Variants in PLXNA2 observed in about 807,000 individuals in gnomAD.
PLXNA2 encodes the protein plexin A2, also known as plexin-A2.
A neutral mutation model predicts 193.5 loss-of-function variants in PLXNA2; 91 were observed. That is an observed-to-expected ratio of 0.47 (90% CI 0.40 to 0.56). The LOEUF is 0.56. Among genes scored for constraint, PLXNA2 ranks in the 20% least tolerant of loss-of-function variants. PLXNA2 has a pLI of 0.00. For missense variants in PLXNA2, 1,995 were observed against 2,503.2 expected (o/e 0.80, Z 4.33); for synonymous variants, 997 against 1,027.3 (o/e 0.97, Z 0.56).
Position 208,079,291 on chromosome 1 carries a change from T to C in PLXNA2, c.2555A>G (p.Asn852Ser), listed in dbSNP as rs1286264936. The C allele has an allele frequency of 2.5e-6, 4 of 1,611,372 alleles. No individual in the cohort carries two copies. The highest frequency in any genetic ancestry group is 2.7e-5 in the African/African-American group (2 of 74,984). ...GATTTGAGGGTTGGAGCACTTGACA[T>C]TGTGGCTGGACCAGTCGAGCCAGGG... ...SSPWLDWSSHNVKCSNPQITE... is the reference protein window; with the variant it reads ...SSPWLDWSSHSVKCSNPQITE... The change falls in exon 12 of 32, where the codon AAT becomes AGT. Residue 852 changes from asparagine (N) to serine (S), a missense_variant. Asn to Ser is a conservative substitution (Grantham distance 46). Coordinates refer to ENST00000367033, the MANE Select transcript of PLXNA2 (RefSeq NM_025179.4).
At chr1:208,155,988 C>T (rs1383454663) in intron 3 of PLXNA2, among the ~76,000 whole-genome samples, 1 of 152,126 alleles carries the variant, frequency 6.6e-6, no homozygotes, top group Non-Finnish European at 1.5e-5. Context: ...TGAAGGAGTA[C>T]CTGAGGCTTA....
intron 26 of PLXNA2, among the ~76,000 whole-genome samples, chr1:208,035,748 C>T (rs950559982): frequency 1.3e-5 from 2 of 152,124 alleles, no homozygotes; most frequent in Non-Finnish European, 2.9e-5. Context: ...TATAGCTGCA[C>T]CAGTCATAAA....
chr1:208,134,234 A>T (rs1297420195), intron 4 of PLXNA2, among the ~76,000 whole-genome samples: 4 of 152,022 alleles, frequency 2.6e-5, no homozygotes, highest in Admixed American at 6.6e-5. Context: ...ATATTTATTT[A>T]AAAAAAATAC....
intron 12 of PLXNA2, among the ~76,000 whole-genome samples, chr1:208,066,563 C>T (rs530015494): frequency 6.6e-6 from 1 of 152,308 alleles, no homozygotes; most frequent in East Asian, 1.9e-4. Flanking sequence ...CAATTATGTA[C>T]AGCACATAAT....
At chr1:208,103,926 A>T (rs1017002284) in intron 4 of PLXNA2, among the ~76,000 whole-genome samples, 7 of 151,274 alleles carry the variant, frequency 4.6e-5, no homozygotes, top group Non-Finnish European at 8.8e-5. Context: ...GCCCTTGCAC[A>T]CTCCTCCTGG....
chr1:208,105,866 C>T (rs1667254738), intron 4 of PLXNA2, among the ~76,000 whole-genome samples: 1 of 152,160 alleles, frequency 6.6e-6, no homozygotes, highest in Non-Finnish European at 1.5e-5. Context: ...ATTAAAACAA[C>T]TGTCTGCATT....
At chr1:208,178,861 G>A (rs942272302) in intron 3 of PLXNA2, among the ~76,000 whole-genome samples, 2 of 152,242 alleles carry the variant, frequency 1.3e-5, no homozygotes, top group African/African-American at 2.4e-5. Flanking sequence ...AATGCTGGGC[G>A]TGGGACCCAG....
chr1:208,229,435 C>T (rs561513165), intron 1 of PLXNA2, among the ~76,000 whole-genome samples: 10 of 152,078 alleles, frequency 6.6e-5, no homozygotes, highest in African/African-American at 1.9e-4. Flanking sequence ...TCAAGAGCAG[C>T]GCGAGGGGGT....
At chr1:208,066,921 GA>G (rs1665815362) in intron 12 of PLXNA2, among the ~76,000 whole-genome samples, 1 of 152,032 alleles carries the variant, frequency 6.6e-6, no homozygotes, top group Non-Finnish European at 1.5e-5. Flanking sequence ...TTCAAAAATA[GA>G]AAAAATATTA....
Position 208,121,167 on chromosome 1 carries a change from G to A in PLXNA2, c.1507-17920C>T, listed in dbSNP as rs543472151. Among the ~76,000 whole-genome samples the A allele has an allele frequency of 2.6e-5, 4 of 152,266 alleles. No individual in the cohort carries two copies. The East Asian group carries it at 7.7e-4, about 29-fold the overall frequency. Reference sequence around the variant, plus strand: ...TGGGAAGGAGATTTCCATCCCCGGGGAAACCTAAGTAAGGTCCACCATGAG... The same window carrying A: ...TGGGAAGGAGATTTCCATCCCCGGGAAAACCTAAGTAAGGTCCACCATGAG... On this transcript the variant is annotated intron_variant, in intron 4 of 31. Coordinates refer to ENST00000367033, the MANE Select transcript of PLXNA2 (RefSeq NM_025179.4).
At chr1:208,242,969 C>A (rs1447006832) in intron 1 of PLXNA2, among the ~76,000 whole-genome samples, 1 of 152,204 alleles carries the variant, frequency 6.6e-6, no homozygotes, top group Admixed American at 6.5e-5. Context: ...CCCATTTCAA[C>A]CCCCAGCACT....
intron 1 of PLXNA2, among the ~76,000 whole-genome samples, chr1:208,234,783 A>G (rs1671801851): frequency 6.6e-6 from 1 of 152,154 alleles, no homozygotes; most frequent in African/African-American, 2.4e-5. Context: ...AGAGACTGGA[A>G]AGAAAAGGTA....
intron 3 of PLXNA2, among the ~76,000 whole-genome samples, chr1:208,170,992 A>G (rs940019440): frequency 3.9e-5 from 6 of 152,252 alleles, no homozygotes; most frequent in African/African-American, 1.4e-4. Context: ...ATTCAGGGAT[A>G]TCAGTGGAGG....
chr1:208,111,688 A>G (rs1330310019), intron 4 of PLXNA2, among the ~76,000 whole-genome samples: 2 of 152,222 alleles, frequency 1.3e-5, no homozygotes, highest in Admixed American at 1.3e-4. Context: ...CCTATGAATC[A>G]GCTTCACAGT....
chr1:208,171,184 G>A (rs1419323724), intron 3 of PLXNA2, among the ~76,000 whole-genome samples: 1 of 152,234 alleles, frequency 6.6e-6, no homozygotes, highest in Non-Finnish European at 1.5e-5. Flanking sequence ...GAAGAGCAGT[G>A]TGGTGGTAGT....
intron 11 of PLXNA2, among the ~76,000 whole-genome samples, chr1:208,081,284 A>T (rs1350696482): frequency 6.6e-6 from 1 of 152,190 alleles, no homozygotes; most frequent in Non-Finnish European, 1.5e-5. Flanking sequence ...CCTTGATTTT[A>T]ATGGCAGCAT....
In PLXNA2 at chr1:208,045,225, A is replaced by G; in HGVS notation, c.3496-15T>C. 1 of 1,612,390 alleles carries G rather than the reference A, an allele frequency of 6.2e-7. No individual in the cohort carries two copies. Among genetic ancestry groups the G allele is most frequent in the Non-Finnish European group, 8.5e-7 (1 of 1,178,524 alleles). Reference sequence around the variant, plus strand: ...AGGTTTTTGCCCTGTAGAGAATAGCAGTCTTTATAGGCATAATTGACACAT... The same window carrying G: ...AGGTTTTTGCCCTGTAGAGAATAGCGGTCTTTATAGGCATAATTGACACAT... On this transcript the variant is annotated splice_polypyrimidine_tract_variant and intron_variant, in intron 18 of 31. Coordinates refer to ENST00000367033, the MANE Select transcript of PLXNA2 (RefSeq NM_025179.4).
At position 208,028,144 on chromosome 1, in the gene PLXNA2, G is replaced by A. The variant is rs201880117; in HGVS notation, c.5454C>T (p.Ile1818=). The A allele has an allele frequency of 3.7e-6, 6 of 1,612,586 alleles. No individual in the cohort carries two copies. The highest frequency in any genetic ancestry group is 5.1e-6 in the Non-Finnish European group (6 of 1,179,262). The change falls in exon 31 of 32, where the codon ATC becomes ATT. Residue 1818 remains isoleucine (I), a synonymous_variant. Coordinates refer to ENST00000367033, the MANE Select transcript of PLXNA2 (RefSeq NM_025179.4). The surrounding 1 kb of genome is among the most constrained non-coding windows in gnomAD (Gnocchi z 4.2). The part of the protein sequence containing the change: ...KSWVERYYAD[I]AKLPAISDQD... ...GGTCACTGATGGCTGGGAGCTTGGC[G>A]ATGTCTGCGTAGTATCTGCCAGAGA...
chr1:208,048,086 C>T (rs1161648317), intron 17 of PLXNA2, among the ~76,000 whole-genome samples: 1 of 152,166 alleles, frequency 6.6e-6, no homozygotes, highest in South Asian at 2.1e-4. Flanking sequence ...CAACATCTTC[C>T]TCTCTGCTGG....
Sources: allele counts gnomAD v4.1 joint callset (sites outside exome capture counted in the v4.1 genomes callset), GRCh38; gene constraint gnomAD v4.1.1; non-coding constraint Gnocchi (gnomAD v3.1); transcripts MANE v1.5; gene names NCBI Gene and HGNC (gene_info 2026-07-23, HGNC 2026-07-21).